The following ACOT7 variants were observed in gnomAD, a reference collection of about 807,000 sequenced individuals.
ACOT7 encodes cytosolic acyl coenzyme A thioester hydrolase.
A neutral mutation model predicts 40.2 loss-of-function variants in ACOT7; 12 were observed. The ratio of observed to expected loss-of-function variants is 0.30; its 90% CI spans 0.19 to 0.48. ACOT7 has a LOEUF of 0.48. Among genes scored for constraint, ACOT7 ranks in the 20% least tolerant of loss-of-function variants. The probability of loss-of-function intolerance (pLI) is 0.99; values close to 1 mark genes in which losing one functional copy is unlikely to be tolerated. For synonymous variants in ACOT7, 228 were observed against 219.5 expected (o/e 1.04, Z -0.34); for missense variants, 395 against 530.8 (o/e 0.74, Z 2.51).
At chr1:6,360,524 C>A (rs902905521) in intron 1 of ACOT7, 1 of 1,609,866 alleles carries the variant, frequency 6.2e-7, no homozygotes, top group Non-Finnish European at 8.5e-7. Flanking sequence ...ACACTTCCCT[C>A]CCCTGACCCC....
rs150123274 is a variant in ACOT7, at chr1:6,288,813, C to A, written c.829+6051G>T. Among the ~76,000 whole-genome samples, 1 of 152,224 alleles carries A rather than the reference C, an allele frequency of 6.6e-6. No individual in the cohort carries two copies. Among genetic ancestry groups the A allele is most frequent in the South Asian group, 2.1e-4 (1 of 4,834 alleles). Reference sequence around the variant, plus strand: ...TTCGTAAGTTCCTCCTAGGCACACACCCTTCGTGGCTGAAACTCAAAGTTA... The same window carrying A: ...TTCGTAAGTTCCTCCTAGGCACACAACCTTCGTGGCTGAAACTCAAAGTTA... On this transcript the variant is annotated intron_variant, in intron 7 of 8. Transcript: ENST00000361521. The surrounding 1 kb of genome is among the most constrained non-coding windows in gnomAD (Gnocchi z 4.3).
At chr1:6,393,170 G>T in intron 1 of ACOT7, 87 bp downstream of exon 1, 3 of 1,192,294 alleles carry the variant, frequency 2.5e-6, no homozygotes, top group Non-Finnish European at 3.1e-6. Flanking sequence ...GCCTCGGCGG[G>T]TGGGGACCAC....
Position 6,311,372 on chromosome 1 carries a change from A to G in ACOT7, c.712+7120T>C, listed in dbSNP as rs939035572. On this transcript the variant is annotated intron_variant, in intron 6 of 8. Transcript: ENST00000361521. This position sits in a 1 kb window ranked among gnomAD's most constrained non-coding sequence, Gnocchi z 5.2. ...AACAACCCGGATCATCCCATGGACG[A>G]GGGCCCCATGAGGGCCACATCTAGG... Among the ~76,000 whole-genome samples, 1 of 152,214 alleles carries G rather than the reference A, an allele frequency of 6.6e-6. No individual in the cohort carries two copies. Among genetic ancestry groups the G allele is most frequent in the Non-Finnish European group, 1.5e-5 (1 of 68,040 alleles).
At chr1:6,378,124 C>CA (rs1415448251) in intron 1 of ACOT7, among the ~76,000 whole-genome samples, 1 of 147,290 alleles carries the variant, frequency 6.8e-6, no homozygotes. Flanking sequence ...GCCAAAGCAT[C>CA]CACTCGCTAC....
In ACOT7 at chr1:6,306,711, C is replaced by T. The variant is rs1640166784; in HGVS notation, c.713-11731G>A. The T allele has an allele frequency of 1.0e-6, 1 of 985,318 alleles. No individual in the cohort carries two copies. Among genetic ancestry groups the T allele is most frequent in the Admixed American group, 6.1e-5 (1 of 16,266 alleles). The allele number at this position is 985,318 out of a possible 1,614,324, so 61.0% of individuals were successfully genotyped here. On this transcript the variant is annotated intron_variant, in intron 6 of 8. Transcript: ENST00000361521. The surrounding 1 kb of genome is among the most constrained non-coding windows in gnomAD (Gnocchi z 4.3). ...CTTGATCCCCCTAGACCAGAAGTTC[C>T]TCAAGAGTAGGGAACAGCTCTTCGT...
Position 6,306,217 on chromosome 1 carries a change from G to T in ACOT7, c.713-11237C>A. 2 of 969,984 alleles carry T rather than the reference G, an allele frequency of 2.1e-6. No individual in the cohort carries two copies. The highest frequency in any genetic ancestry group is 2.4e-6 in the Non-Finnish European group (2 of 817,586). The allele number at this position is 969,984 out of a possible 1,614,324, so 60.1% of individuals were successfully genotyped here. A position where few individuals can be genotyped will look rare whatever the true frequency, so the allele number is the denominator to read the frequency against. On this transcript the variant is annotated intron_variant, in intron 6 of 8. Coordinates refer to ENST00000361521, the MANE Select transcript of ACOT7 (RefSeq NM_007274.4). The surrounding 1 kb of genome is among the most constrained non-coding windows in gnomAD (Gnocchi z 4.3). ...AGGGAGACCGTGGGGAGAGGGGGAG[G>T]GGGAGGGGGAGAGGGAGAGGACGTT... is the stretch of plus-strand genomic sequence containing the variant.
intron 8 of ACOT7, among the ~76,000 whole-genome samples, chr1:6,271,990 C>T (rs535155611): frequency 1.1e-3 from 170 of 152,400 alleles, no homozygotes; most frequent in African/African-American, 3.7e-3. Context: ...GGTCCCGGGA[C>T]GCTCGGCTCA....
chr1:6,376,062 C>T (rs1237810229), intron 1 of ACOT7, among the ~76,000 whole-genome samples: 1 of 152,106 alleles, frequency 6.6e-6, no homozygotes, highest in Non-Finnish European at 1.5e-5. Context: ...CGAGACCAGC[C>T]TGGCCAACAT....
Position 6,318,644 on chromosome 1 carries a change from A to G in ACOT7, c.626-66T>C. ...GATTCCCACAGCTGAATGGTCTGGC[A>G]ATGCCGAAACCACCCTCAGGTCTAC... On this transcript the variant is annotated intron_variant, in intron 5 of 8. Coordinates refer to ENST00000361521, the MANE Select transcript of ACOT7 (RefSeq NM_007274.4). The G allele has an allele frequency of 2.6e-6, 4 of 1,538,460 alleles. No individual in the cohort carries two copies. In the African/African-American group the frequency reaches 5.4e-5, roughly 21 times the overall value.
rs766402526 is a variant in ACOT7 at position 6,339,505 on chromosome 1, C to A, written c.346G>T (p.Ala116Ser). 2.7e-5 allele frequency: 43 copies of A among 1,613,596 alleles called. No homozygotes were observed. Among genetic ancestry groups the A allele is most frequent in the Non-Finnish European group, 3.4e-5 (40 of 1,180,038 alleles). ...TGCTTGGAGGTGTAGGTGATCTCCG[C>A]GCTGACATGCGCCACCTCACCGATG... ...MCIGEVAHVS[A>S]EITYTSKHSV... The change falls in exon 3 of 9, where the codon GCG becomes TCG. Residue 116 changes from alanine (A) to serine (S), a missense_variant. By Grantham distance (99) the Ala-to-Ser change is moderately conservative (BLOSUM62 1). Transcript: ENST00000361521.
chr1:6,392,671 T>G (rs2148486757), intron 1 of ACOT7, among the ~76,000 whole-genome samples: 1 of 152,290 alleles, frequency 6.6e-6, no homozygotes, highest in Admixed American at 6.5e-5. Flanking sequence ...TATCTGTTCT[T>G]CCTTTCAACA....
At chr1:6,351,838 A>G (rs559859345) in intron 1 of ACOT7, among the ~76,000 whole-genome samples, 74 of 152,340 alleles carry the variant, frequency 4.9e-4, no homozygotes, top group South Asian at 2.9e-3. Context: ...CAGCGGAGGA[A>G]GTGCTTTCAT....
At chr1:6,334,460 G>T (rs1195464475) in intron 3 of ACOT7, among the ~76,000 whole-genome samples, 1 of 152,230 alleles carries the variant, frequency 6.6e-6, no homozygotes, top group Non-Finnish European at 1.5e-5. Context: ...GGGCAGGGGG[G>T]ACGGCCAGGG....
intron 8 of ACOT7, among the ~76,000 whole-genome samples, chr1:6,273,785 C>T (rs574362341): frequency 7.9e-5 from 12 of 152,388 alleles, no homozygotes; most frequent in African/African-American, 2.4e-4. Flanking sequence ...AGAGGCTGCG[C>T]GCGGCCACCA....
In ACOT7 at chr1:6,358,674, G is replaced by T; in HGVS notation, c.144-8808C>A. 1.4e-6 allele frequency: 1 copy of T among 727,510 alleles called. No homozygotes were observed. Among genetic ancestry groups the T allele is most frequent in the Non-Finnish European group, 2.3e-6 (1 of 431,010 alleles). 45.1% of individuals were successfully genotyped at this position (727,510 alleles called of 1,614,324 possible). A position where few individuals can be genotyped will look rare whatever the true frequency, so the allele number is the denominator to read the frequency against. On this transcript the variant is annotated intron_variant, in intron 1 of 8. Coordinates refer to ENST00000361521, the MANE Select transcript of ACOT7 (RefSeq NM_007274.4). The surrounding 1 kb of genome is among the most constrained non-coding windows in gnomAD (Gnocchi z 4.1). ...TCAGTAAGAGCCAGGCCAGGTGGGT[G>T]CCCTACTGCCCTTCCTGGCTGCATG...
At chr1:6,283,170 GTTT>G (rs1639403764) in intron 7 of ACOT7, among the ~76,000 whole-genome samples, 1 of 152,172 alleles carries the variant, frequency 6.6e-6, no homozygotes, top group Non-Finnish European at 1.5e-5. Flanking sequence ...CAGAAAACGT[GTTT>G]TTGTTTTTGA....
At chr1:6,287,899 C>T (rs1469458471) in intron 7 of ACOT7, among the ~76,000 whole-genome samples, 1 of 152,208 alleles carries the variant, frequency 6.6e-6, no homozygotes, top group Non-Finnish European at 1.5e-5. Context: ...TAACACACCC[C>T]AAGGCCTTTT....
In ACOT7 at chr1:6,288,398, C is replaced by A. The variant is rs1263651043; in HGVS notation, c.829+6466G>T. On this transcript the variant is annotated intron_variant, in intron 7 of 8. Transcript: ENST00000361521. The surrounding 1 kb of genome is among the most constrained non-coding windows in gnomAD (Gnocchi z 4.3). ...AACTTGCCACACACCTGCTAAGGAC[C>A]CCGTAGGTGCTTGGCCGGGCTAGTT... 2.6e-5 allele frequency among the ~76,000 whole-genome samples: 4 copies of A among 152,218 alleles called. No individual in the cohort carries two copies. The highest frequency in any genetic ancestry group is 9.7e-5 in the African/African-American group (4 of 41,450).
chr1:6,281,922 A>C (rs1489034995), intron 7 of ACOT7, among the ~76,000 whole-genome samples: 1 of 152,154 alleles, frequency 6.6e-6, no homozygotes, highest in Non-Finnish European at 1.5e-5. Flanking sequence ...CCACGGGACC[A>C]AAGCTTCCTC....
Sources: allele counts gnomAD v4.1 joint callset (sites outside exome capture counted in the v4.1 genomes callset), GRCh38; gene constraint gnomAD v4.1.1; non-coding constraint Gnocchi (gnomAD v3.1); transcripts MANE v1.5; gene names NCBI Gene and HGNC (gene_info 2026-07-23, HGNC 2026-07-21).